AKAP13: variants seen among roughly 807,000 people sequenced by gnomAD.
AKAP13 encodes the protein A-kinase anchor protein 13.
A neutral mutation model predicts 264.5 loss-of-function variants in AKAP13; 80 were observed. The ratio of observed to expected loss-of-function variants is 0.30; its 90% CI spans 0.25 to 0.36. The LOEUF (loss-of-function observed/expected upper bound fraction) is 0.36. Among genes scored for constraint, AKAP13 ranks in the 10% least tolerant of loss-of-function variants. AKAP13 has a pLI of 1.00. For missense variants in AKAP13, 3,712 were observed against 3,435.2 expected (o/e 1.08, Z -2.01); for synonymous variants, 1,380 against 1,250.2 (o/e 1.10, Z -2.19).
chr15:85,583,906 G>A (rs886101599), intron 7 of AKAP13, among the ~76,000 whole-genome samples: 1 of 152,172 alleles, frequency 6.6e-6, no homozygotes, highest in African/African-American at 2.4e-5. Context: ...TTTTGTGTAG[G>A]TGAGTTACTT....
intron 1 of AKAP13, among the ~76,000 whole-genome samples, chr15:85,391,864 A>C (rs1258680544): frequency 1.3e-5 from 2 of 151,866 alleles, no homozygotes; most frequent in East Asian, 3.9e-4. Context: ...GGCTCACTGC[A>C]ACCTCCGTCT....
chr15:85,440,740 C>G (rs72754505), intron 1 of AKAP13, among the ~76,000 whole-genome samples: 1,595 of 152,296 alleles, frequency 0.01, 14 homozygotes, highest in Middle Eastern at 0.017. Flanking sequence ...TCAGAGCCAT[C>G]CAGTTACTCT....
intron 1 of AKAP13, among the ~76,000 whole-genome samples, chr15:85,483,277 G>A (rs2075403629): frequency 6.6e-6 from 1 of 152,206 alleles, no homozygotes; most frequent in Non-Finnish European, 1.5e-5. Context: ...GTGGCCTGCA[G>A]GCTGCATGCA....
intron 8 of AKAP13, chr15:85,619,536 T>C: frequency 1.0e-6 from 1 of 985,374 alleles, no homozygotes; most frequent in Non-Finnish European, 1.2e-6. Context: ...AAAAGTAGAT[T>C]TTCTTTGTCT....
chr15:85,540,628 T>G (rs1204458184), intron 4 of AKAP13, among the ~76,000 whole-genome samples: 1 of 152,206 alleles, frequency 6.6e-6, no homozygotes, highest in Non-Finnish European at 1.5e-5. Flanking sequence ...CCTAAATGAT[T>G]GAGCTCTGCA....
chr15:85,448,026 G>A (rs576033366), intron 1 of AKAP13, among the ~76,000 whole-genome samples: 21 of 152,256 alleles, frequency 1.4e-4, no homozygotes, highest in Non-Finnish European at 2.9e-4. Flanking sequence ...AACCTTGCCA[G>A]CATCTGCTGT....
At chr15:85,485,021 G>A (rs1173560067) in intron 1 of AKAP13, among the ~76,000 whole-genome samples, 1 of 152,140 alleles carries the variant, frequency 6.6e-6, no homozygotes, top group Non-Finnish European at 1.5e-5. Flanking sequence ...CTACCCTTCT[G>A]AGCATTTATA....
chr15:85,502,182 G>A (rs996001269), intron 2 of AKAP13, among the ~76,000 whole-genome samples: 2 of 152,200 alleles, frequency 1.3e-5, no homozygotes, highest in Admixed American at 6.5e-5. Flanking sequence ...TAGAGAAAGT[G>A]TATGTGCTTA....
chr15:85,743,600 T>C lies in AKAP13; in HGVS notation c.8167T>C (p.Ser2723Pro). ...CATAGCCAAATCAGGGTCATTGGAC[T>C]CAGAACTTTCAGTGTCCCCAAAAAG... ...PSIAKSGSLDSELSVSPKRNS... is the reference protein window; with the variant it reads ...PSIAKSGSLDPELSVSPKRNS... The change falls in exon 36 of 37, where the codon TCA (serine) becomes CCA (proline). Residue 2723 changes from serine to proline, a missense_variant. Ser to Pro is a moderately conservative substitution (Grantham distance 74). Transcript: ENST00000394518. 6.2e-7 allele frequency: 1 copy of C among 1,614,110 alleles called. No homozygotes were observed. Among genetic ancestry groups the C allele is most frequent in the Non-Finnish European group, 8.5e-7 (1 of 1,180,022 alleles).
chr15:85,562,574 A>ATATAT (rs1555444891), intron 5 of AKAP13, among the ~76,000 whole-genome samples: 4 of 77,668 alleles, frequency 5.2e-5, no homozygotes, highest in African/African-American at 1.6e-4. Context: ...CAAAAAAAAA[A>ATATAT]ATATATATAT....
chr15:85,620,201 G>C (rs2081118217), intron 8 of AKAP13: 1 of 1,533,784 alleles, frequency 6.5e-7, no homozygotes, highest in Non-Finnish European at 8.7e-7. Context: ...CATGCATTCT[G>C]AAGCTCTGCA....
intron 19 of AKAP13, among the ~76,000 whole-genome samples, chr15:85,715,220 C>A (rs745802260): frequency 1.3e-5 from 2 of 152,208 alleles, no homozygotes; most frequent in Non-Finnish European, 2.9e-5. Context: ...CTTAATAGAT[C>A]TTGGAGATAG....
At chr15:85,679,963 G>A (rs1009554597) in intron 14 of AKAP13, among the ~76,000 whole-genome samples, 1 of 152,120 alleles carries the variant, frequency 6.6e-6, no homozygotes, top group African/African-American at 2.4e-5. Flanking sequence ...CATCTAAAAG[G>A]TCATCATAAC....
intron 1 of AKAP13, among the ~76,000 whole-genome samples, chr15:85,417,988 C>T (rs917136761): frequency 4.6e-5 from 7 of 151,458 alleles, no homozygotes; most frequent in Non-Finnish European, 7.4e-5. Context: ...TTCATTTTGA[C>T]GTAATTATAA....
chr15:85,520,374 T>C (rs891582144), intron 2 of AKAP13, among the ~76,000 whole-genome samples: 3 of 151,702 alleles, frequency 2.0e-5, no homozygotes, highest in Admixed American at 1.3e-4. Context: ...GGTGGGTGCC[T>C]GTAATCCCAG....
At chr15:85,595,011 A>AATTTCATTCATTTATTCATTT (rs2079749318) in intron 8 of AKAP13, among the ~76,000 whole-genome samples, 1 of 152,158 alleles carries the variant, frequency 6.6e-6, no homozygotes, top group African/African-American at 2.4e-5. Flanking sequence ...CTGTGGCTTT[A>AATTTCATTCATTTATTCATTT]ATTTCATTCA....
At chr15:85,608,574 A>G (rs1003866904) in intron 8 of AKAP13, among the ~76,000 whole-genome samples, 4 of 152,226 alleles carry the variant, frequency 2.6e-5, no homozygotes, top group Non-Finnish European at 5.9e-5. Context: ...TAGTGGTTCA[A>G]AGGAGAGCGT....
intron 8 of AKAP13, among the ~76,000 whole-genome samples, chr15:85,601,384 A>G (rs757937705): frequency 6.6e-6 from 1 of 152,200 alleles, no homozygotes; most frequent in African/African-American, 2.4e-5. Context: ...TTAATTCACC[A>G]GCATCATTCA....
chr15:85,479,430 A>G (rs2075283968), intron 1 of AKAP13, among the ~76,000 whole-genome samples: 1 of 152,222 alleles, frequency 6.6e-6, no homozygotes, highest in Non-Finnish European at 1.5e-5. Context: ...CAGTCTTAGC[A>G]GGATCCCTGG....
Sources: gnomAD v4.1 joint callset for allele counts (sites outside exome capture counted in the v4.1 genomes callset) on GRCh38, gnomAD v4.1.1 for gene constraint, MANE v1.5 for transcripts, NCBI Gene and HGNC (gene_info 2026-07-23, HGNC 2026-07-21) for gene names.